The following ADGRL3 variants were observed in gnomAD, a reference collection of about 807,000 sequenced individuals.
ADGRL3 encodes the protein adhesion G protein-coupled receptor L3, also known as calcium-independent alpha-latrotoxin receptor 3.
Under a neutral mutation model 153.5 loss-of-function variants are expected in ADGRL3, and 62 were observed. That is an observed-to-expected ratio of 0.40 (90% CI 0.33 to 0.50). The LOEUF is 0.50. Ranked by LOEUF, ADGRL3 falls within the 20% of genes least tolerant of loss-of-function variation. ADGRL3 has a pLI of 0.47. For missense variants in ADGRL3, 1,641 were observed against 1,859.4 expected, an observed-to-expected ratio of 0.88 and a Z score of 2.16; for synonymous variants, 710 against 672.5, an observed-to-expected ratio of 1.06 and a Z score of -0.86.
intron 4 of ADGRL3, among the ~76,000 whole-genome samples, chr4:61,532,112 T>C (rs1467356474): frequency 6.6e-6 from 1 of 152,210 alleles, no homozygotes; most frequent in Non-Finnish European, 1.5e-5. Flanking sequence ...AGGAGTGATC[T>C]TGGAATCAGA....
intron 17 of ADGRL3, among the ~76,000 whole-genome samples, chr4:61,967,155 T>A (rs950909449): frequency 2.0e-4 from 31 of 152,198 alleles, no homozygotes; most frequent in African/African-American, 2.9e-4. Context: ...TTAATTTTTT[T>A]AATTTTTCTT....
At chr4:61,246,695 A>G (rs977796866) in intron 1 of ADGRL3, among the ~76,000 whole-genome samples, 3 of 151,780 alleles carry the variant, frequency 2.0e-5, no homozygotes, top group Non-Finnish European at 4.4e-5. Context: ...TATTTATGAT[A>G]ATAACCCTTT....
intron 1 of ADGRL3, among the ~76,000 whole-genome samples, chr4:61,353,237 A>G (rs1017127631): frequency 6.6e-6 from 1 of 152,172 alleles, no homozygotes; most frequent in African/African-American, 2.4e-5. Context: ...GTGTGTGTGC[A>G]TATGTATACT....
chr4:62,000,540 A>G (rs1365565665), intron 21 of ADGRL3, among the ~76,000 whole-genome samples: 2 of 152,132 alleles, frequency 1.3e-5, no homozygotes, highest in African/African-American at 4.8e-5. Context: ...AAATGAAAAT[A>G]TCTTAATTTC....
intron 1 of ADGRL3, among the ~76,000 whole-genome samples, chr4:61,284,009 G>T (rs2093826136): frequency 6.6e-6 from 1 of 151,938 alleles, no homozygotes; most frequent in Non-Finnish European, 1.5e-5. Context: ...CAAGGTTGTA[G>T]TCCTTGTGTT....
chr4:61,765,415 T>A (rs1045423576), intron 8 of ADGRL3, among the ~76,000 whole-genome samples: 1 of 152,034 alleles, frequency 6.6e-6, no homozygotes, highest in Non-Finnish European at 1.5e-5. Flanking sequence ...GTGGTAAAAG[T>A]ATTGTCCAGT....
At chr4:61,683,673 A>C (rs2095387255) in intron 6 of ADGRL3, among the ~76,000 whole-genome samples, 1 of 152,206 alleles carries the variant, frequency 6.6e-6, no homozygotes, top group Admixed American at 6.6e-5. Context: ...GGGATCAATC[A>C]GAGGAAAGCG....
chr4:61,850,922 A>G (rs576036299), intron 9 of ADGRL3, among the ~76,000 whole-genome samples: 1 of 152,318 alleles, frequency 6.6e-6, no homozygotes, highest in African/African-American at 2.4e-5. Flanking sequence ...TTGAAAATTC[A>G]GTTCCCAAAT....
At chr4:61,549,378 G>T (rs533853641) in intron 4 of ADGRL3, among the ~76,000 whole-genome samples, 16 of 152,016 alleles carry the variant, frequency 1.1e-4, no homozygotes, top group African/African-American at 3.6e-4. Context: ...ATGAGAGAGG[G>T]CATCTTTGTC....
At chr4:61,331,383 A>T (rs2095569563) in intron 1 of ADGRL3, among the ~76,000 whole-genome samples, 1 of 152,152 alleles carries the variant, frequency 6.6e-6, no homozygotes, top group Non-Finnish European at 1.5e-5. Context: ...AATATTTTTC[A>T]CTTTGACCTA....
chr4:61,769,547 G>A (rs1312071845), intron 8 of ADGRL3, among the ~76,000 whole-genome samples: 1 of 152,238 alleles, frequency 6.6e-6, no homozygotes, highest in East Asian at 1.9e-4. Context: ...CAAATTTCAT[G>A]CGCGTCCATG....
intron 2 of ADGRL3, among the ~76,000 whole-genome samples, chr4:61,413,517 T>G (rs1469628329): frequency 1.3e-5 from 2 of 152,112 alleles, no homozygotes; most frequent in East Asian, 1.9e-4. Context: ...GATGGAACTC[T>G]AGGCTTTCTT....
chr4:61,587,379 C>A lies in ADGRL3; in HGVS notation c.412C>A (p.Pro138Thr). The A allele has an allele frequency of 1.2e-6, 2 of 1,612,488 alleles. No homozygotes were observed. The highest frequency in any genetic ancestry group is 1.7e-5 in the Admixed American group (1 of 59,814). Residue 138 changes from proline (P) to threonine (T), a missense_variant, in exon 5 of 27, where the codon CCT (proline) becomes ACT (threonine). Pro to Thr is a conservative substitution (Grantham distance 38). This residue lies in a region of ADGRL3 where 213 missense variants were observed against 362.1 expected (regional missense o/e 0.59). Coordinates refer to ENST00000683033, the MANE Select transcript of ADGRL3 (RefSeq NM_001387552.1). ...TGATGACAAAATTTGTGACTCTGAC[C>A]CTGCTCAGATGGAGAATATCCGATG... ...RTDDKICDSD[P>T]AQMENIRCYL... is the part of the protein sequence containing the mutation.
At chr4:61,834,710 A>G (rs2097913578) in intron 9 of ADGRL3, among the ~76,000 whole-genome samples, 1 of 152,146 alleles carries the variant, frequency 6.6e-6, no homozygotes, top group Non-Finnish European at 1.5e-5. Flanking sequence ...GGCTGAGCAA[A>G]CTCACATGAG....
chr4:61,625,700 T>C (rs1026209533), intron 5 of ADGRL3, among the ~76,000 whole-genome samples: 1 of 151,996 alleles, frequency 6.6e-6, no homozygotes, highest in Non-Finnish European at 1.5e-5. Context: ...TAGAGGTCAA[T>C]ACAGGGTGAT....
chr4:61,307,046 C>T (rs763978700), intron 1 of ADGRL3, among the ~76,000 whole-genome samples: 4 of 152,082 alleles, frequency 2.6e-5, no homozygotes, highest in Non-Finnish European at 4.4e-5. Flanking sequence ...TATTGAATCC[C>T]TGTGTGTAAA....
intron 13 of ADGRL3, among the ~76,000 whole-genome samples, chr4:61,923,629 T>C (rs1251842123): frequency 6.6e-6 from 1 of 152,160 alleles, no homozygotes; most frequent in East Asian, 1.9e-4. Flanking sequence ...TTTGTTCTCC[T>C]TTCTCCTTCT....
At chr4:61,871,931 T>G (rs1437052505) in intron 9 of ADGRL3, among the ~76,000 whole-genome samples, 4 of 152,240 alleles carry the variant, frequency 2.6e-5, no homozygotes, top group Non-Finnish European at 5.9e-5. Context: ...TACGCCTGCC[T>G]TGATAACTAA....
intron 9 of ADGRL3, among the ~76,000 whole-genome samples, chr4:61,863,267 T>G (rs962122314): frequency 3.2e-5 from 4 of 123,172 alleles, no homozygotes; most frequent in Non-Finnish European, 6.5e-5. Flanking sequence ...AGACGGAGTC[T>G]CGCTCTGTCG....
Sources: allele counts gnomAD v4.1 joint callset (sites outside exome capture counted in the v4.1 genomes callset), GRCh38; gene constraint gnomAD v4.1.1; regional missense constraint gnomAD v4.1.1; transcripts MANE v1.5; gene names NCBI Gene and HGNC (gene_info 2026-07-23, HGNC 2026-07-21).